Variants in FAM171A1 observed in about 807,000 individuals in gnomAD.
FAM171A1 encodes protein FAM171A1.
FAM171A1 carries 23 observed loss-of-function variants against 74.9 expected under a neutral mutation model. The ratio of observed to expected loss-of-function variants is 0.31; its 90% CI spans 0.22 to 0.44. The LOEUF (loss-of-function observed/expected upper bound fraction) is 0.44, where lower values mean the gene tolerates loss of function less well. Ranked by LOEUF, FAM171A1 falls within the 20% of genes least tolerant of loss-of-function variation. The pLI, the probability that FAM171A1 is intolerant of heterozygous loss-of-function variation, is 1.00. For synonymous variants in FAM171A1, 527 were observed against 505.7 expected (o/e 1.04, Z -0.57); for missense variants, 1,162 against 1,159.2 (o/e 1.00, Z -0.03).
chr10:15,318,074 G>A (rs769656845), intron 1 of FAM171A1, among the ~76,000 whole-genome samples: 24 of 152,212 alleles, frequency 1.6e-4, no homozygotes, highest in Non-Finnish European at 2.9e-4. Flanking sequence ...GATTACAGGG[G>A]TGACCCATAG....
chr10:15,218,950 G>C (rs978798246), intron 6 of FAM171A1, among the ~76,000 whole-genome samples: 17 of 152,048 alleles, frequency 1.1e-4, no homozygotes, highest in African/African-American at 4.1e-4. Context: ...GAAGCTCTCA[G>C]GGGAGCTACG....
intron 5 of FAM171A1, among the ~76,000 whole-genome samples, chr10:15,246,377 G>A (rs185813118): frequency 8.9e-4 from 136 of 152,212 alleles, no homozygotes; most frequent in Non-Finnish European, 1.7e-3. Context: ...CCCAACAGGC[G>A]TTTCTTTTAA....
intron 5 of FAM171A1, among the ~76,000 whole-genome samples, chr10:15,244,327 C>G (rs1258602121): frequency 6.6e-6 from 1 of 152,208 alleles, no homozygotes; most frequent in African/African-American, 2.4e-5. Flanking sequence ...AGCACGCCAG[C>G]TTGGGCGACA....
intron 1 of FAM171A1, among the ~76,000 whole-genome samples, chr10:15,341,065 T>C (rs1180520130): frequency 6.6e-6 from 1 of 152,178 alleles, no homozygotes; most frequent in Non-Finnish European, 1.5e-5. Flanking sequence ...CACCTACAAG[T>C]GATAGTGAGA....
At chr10:15,227,377 C>A (rs1834122336) in intron 5 of FAM171A1, among the ~76,000 whole-genome samples, 1 of 151,988 alleles carries the variant, frequency 6.6e-6, no homozygotes, top group African/African-American at 2.4e-5. Flanking sequence ...TTTGTCTGAA[C>A]TGTCATTTTC....
chr10:15,221,418 G>A (rs1834038470), intron 5 of FAM171A1, among the ~76,000 whole-genome samples: 2 of 152,170 alleles, frequency 1.3e-5, no homozygotes, highest in African/African-American at 2.4e-5. Flanking sequence ...TGAAAAGAGA[G>A]GGGGAAATCC....
At chr10:15,294,575 CATGA>C (rs1218949323) in intron 1 of FAM171A1, among the ~76,000 whole-genome samples, 1 of 152,236 alleles carries the variant, frequency 6.6e-6, no homozygotes, top group African/African-American at 2.4e-5. Context: ...TCTTGGCAAA[CATGA>C]AGAGTGTGGC....
chr10:15,298,205 G>A (rs532890899), intron 1 of FAM171A1, among the ~76,000 whole-genome samples: 1 of 151,820 alleles, frequency 6.6e-6, no homozygotes, highest in South Asian at 2.1e-4. Flanking sequence ...TTGGCCCTCT[G>A]CAACCTGCAA....
intron 6 of FAM171A1, among the ~76,000 whole-genome samples, chr10:15,219,022 C>A (rs1038738100): frequency 2.6e-5 from 4 of 152,132 alleles, no homozygotes; most frequent in African/African-American, 4.8e-5. Flanking sequence ...GTGGCTCATG[C>A]CTGTAATTTC....
At chr10:15,300,942 A>G (rs1835221146) in intron 1 of FAM171A1, among the ~76,000 whole-genome samples, 1 of 152,226 alleles carries the variant, frequency 6.6e-6, no homozygotes, top group Admixed American at 6.5e-5. Context: ...AAAGTTTACA[A>G]AAGACCTCCT....
At chr10:15,225,505 G>T (rs961022572) in intron 5 of FAM171A1, among the ~76,000 whole-genome samples, 2 of 152,240 alleles carry the variant, frequency 1.3e-5, no homozygotes, top group Non-Finnish European at 2.9e-5. Context: ...GCTCCAGGGA[G>T]TATGGGAATT....
intron 1 of FAM171A1, among the ~76,000 whole-genome samples, chr10:15,356,390 T>C (rs1219021770): frequency 1.3e-5 from 2 of 152,040 alleles, no homozygotes; most frequent in Admixed American, 6.6e-5. Context: ...TGGGAAAAAG[T>C]CTAGCAGTTT....
chr10:15,292,167 T>C (rs1835109514), intron 1 of FAM171A1, among the ~76,000 whole-genome samples: 1 of 152,034 alleles, frequency 6.6e-6, no homozygotes, highest in Admixed American at 6.6e-5. Context: ...ACTAATCCCA[T>C]GCACAATGGC....
intron 3 of FAM171A1, among the ~76,000 whole-genome samples, chr10:15,270,162 T>C (rs554823710): frequency 2.6e-5 from 4 of 152,150 alleles, no homozygotes; most frequent in African/African-American, 9.6e-5. Context: ...ACCTGGAAAA[T>C]CGGGACACTC....
intron 1 of FAM171A1, among the ~76,000 whole-genome samples, chr10:15,345,073 T>G (rs1835803725): frequency 6.6e-6 from 1 of 152,248 alleles, no homozygotes; most frequent in Non-Finnish European, 1.5e-5. Flanking sequence ...ATGATGAAAT[T>G]TGATCTGTTT....
chr10:15,269,410 T>C (rs1191856349), intron 3 of FAM171A1, among the ~76,000 whole-genome samples: 2 of 152,120 alleles, frequency 1.3e-5, no homozygotes, highest in Admixed American at 1.3e-4. Context: ...TGAGCCATTG[T>C]GCCTGGCCAG....
At chr10:15,304,773 G>A (rs982046682) in intron 1 of FAM171A1, among the ~76,000 whole-genome samples, 1 of 152,104 alleles carries the variant, frequency 6.6e-6, no homozygotes, top group Non-Finnish European at 1.5e-5. Context: ...GTCTCGCTCT[G>A]TTGCCCAGGC....
At chr10:15,245,039 C>T (rs1834414090) in intron 5 of FAM171A1, among the ~76,000 whole-genome samples, 1 of 151,816 alleles carries the variant, frequency 6.6e-6, no homozygotes, top group South Asian at 2.1e-4. Context: ...ACTGTTCAGC[C>T]AGTTGACTTT....
chr10:15,340,164 G>A (rs773112405), intron 1 of FAM171A1, among the ~76,000 whole-genome samples: 17 of 152,180 alleles, frequency 1.1e-4, no homozygotes, highest in Non-Finnish European at 2.2e-4. Flanking sequence ...ATTCTTCTGT[G>A]TAGGAGACTG....
Sources: allele counts gnomAD v4.1 joint callset (sites outside exome capture counted in the v4.1 genomes callset), GRCh38; gene constraint gnomAD v4.1.1; transcripts MANE v1.5; gene names NCBI Gene and HGNC (gene_info 2026-07-23, HGNC 2026-07-21).